Variants in CSMD1 observed in about 807,000 individuals in gnomAD.
CSMD1 encodes the protein CUB and sushi domain-containing protein 1.
In CSMD1, 213 loss-of-function variants were observed where a neutral mutation model predicts 417.5. The ratio of observed to expected loss-of-function variants is 0.51; its 90% CI spans 0.46 to 0.57. CSMD1 has a LOEUF of 0.57. CSMD1 is among the 20% of genes least tolerant of loss of function. CSMD1 has a pLI of 0.00. For missense variants in CSMD1, 6,923 were observed against 4,529.7 expected (o/e 1.53, Z -15.17); for synonymous variants, 2,862 against 1,736.8 (o/e 1.65, Z -16.11).
intron 10 of CSMD1, among the ~76,000 whole-genome samples, chr8:3,558,165 G>C (rs1168813605): frequency 4.0e-5 from 6 of 150,218 alleles, no homozygotes; most frequent in South Asian, 2.1e-4. Context: ...TGCCTCAATA[G>C]CACCCCGTGT....
At chr8:3,873,612 A>G (rs1469851925) in intron 5 of CSMD1, among the ~76,000 whole-genome samples, 1 of 152,182 alleles carries the variant, frequency 6.6e-6, no homozygotes, top group Non-Finnish European at 1.5e-5. Context: ...TACTCGGCAT[A>G]ATACCTGAGT....
At chr8:3,943,610 C>T (rs1027323410) in intron 5 of CSMD1, among the ~76,000 whole-genome samples, 1 of 151,874 alleles carries the variant, frequency 6.6e-6, no homozygotes, top group African/African-American at 2.4e-5. Flanking sequence ...AGCTGGTAAA[C>T]CCCATGTAAC....
chr8:3,074,102 G>C (rs986945002), intron 49 of CSMD1, among the ~76,000 whole-genome samples: 1 of 152,226 alleles, frequency 6.6e-6, no homozygotes, highest in African/African-American at 2.4e-5. Context: ...AGTGGTGGCA[G>C]AAATACGTTT....
chr8:4,570,477 G>A (rs1798832760), intron 2 of CSMD1, among the ~76,000 whole-genome samples: 1 of 152,162 alleles, frequency 6.6e-6, no homozygotes, highest in Admixed American at 6.5e-5. Context: ...GCATCCCAGG[G>A]ATGAAGCTGA....
chr8:3,133,792 C>T (rs1817924415), intron 41 of CSMD1, among the ~76,000 whole-genome samples: 1 of 152,212 alleles, frequency 6.6e-6, no homozygotes, highest in South Asian at 2.1e-4. Flanking sequence ...ACACTCACTG[C>T]CAGGCTGCGC....
At chr8:3,883,740 C>A (rs954681042) in intron 5 of CSMD1, among the ~76,000 whole-genome samples, 1 of 151,874 alleles carries the variant, frequency 6.6e-6, no homozygotes, top group Non-Finnish European at 1.5e-5. Flanking sequence ...TTCATTGAAA[C>A]AACTGAAACC....
At chr8:3,987,034 C>A (rs554069319) in intron 5 of CSMD1, among the ~76,000 whole-genome samples, 2 of 152,138 alleles carry the variant, frequency 1.3e-5, no homozygotes, top group African/African-American at 2.4e-5. Flanking sequence ...GGATTACAGA[C>A]GTGAATCACC....
intron 3 of CSMD1, among the ~76,000 whole-genome samples, chr8:4,118,031 C>A (rs1411558784): frequency 2.0e-5 from 3 of 150,966 alleles, no homozygotes; most frequent in African/African-American, 4.9e-5. Flanking sequence ...TTTTCTCAAG[C>A]CTCTTAGTCA....
chr8:4,233,857 T>A (rs1275523532), intron 3 of CSMD1, among the ~76,000 whole-genome samples: 2 of 151,926 alleles, frequency 1.3e-5, no homozygotes, highest in Non-Finnish European at 2.9e-5. Context: ...ATATAAAGAA[T>A]CTAATCCTGA....
intron 10 of CSMD1, among the ~76,000 whole-genome samples, chr8:3,533,753 G>A (rs933776230): frequency 3.3e-5 from 5 of 152,086 alleles, no homozygotes; most frequent in African/African-American, 4.8e-5. Context: ...GGTGCTTGAG[G>A]CATCTCTTTT....
intron 2 of CSMD1, among the ~76,000 whole-genome samples, chr8:4,533,653 T>C (rs925561211): frequency 3.9e-5 from 6 of 152,100 alleles, no homozygotes; most frequent in African/African-American, 1.4e-4. Flanking sequence ...CCCAAAACGA[T>C]GTCATTGCAA....
intron 1 of CSMD1, among the ~76,000 whole-genome samples, chr8:4,807,604 A>G (rs1206988991): frequency 2.0e-5 from 3 of 152,208 alleles, no homozygotes; most frequent in Non-Finnish European, 4.4e-5. Flanking sequence ...TTTTACAGTA[A>G]TAGTAATGAC....
At chr8:4,958,785 G>A (rs1054055137) in intron 1 of CSMD1, among the ~76,000 whole-genome samples, 45 of 152,258 alleles carry the variant, frequency 3.0e-4, no homozygotes, top group African/African-American at 1.0e-3. Flanking sequence ...AGTGAAAAAA[G>A]CGGGGCTTTC....
chr8:4,472,320 C>A (rs1038944334), intron 2 of CSMD1, among the ~76,000 whole-genome samples: 2 of 152,028 alleles, frequency 1.3e-5, no homozygotes, highest in African/African-American at 4.8e-5. Context: ...TGACAACTTA[C>A]CAATAGTAGA....
At chr8:3,548,132 G>A (rs911908907) in intron 10 of CSMD1, among the ~76,000 whole-genome samples, 2 of 152,096 alleles carry the variant, frequency 1.3e-5, no homozygotes, top group Admixed American at 6.5e-5. Context: ...AATTATTGCT[G>A]TATGACTCTA....
chr8:4,411,644 A>C (rs1199064716), intron 3 of CSMD1, among the ~76,000 whole-genome samples: 1 of 152,174 alleles, frequency 6.6e-6, no homozygotes, highest in South Asian at 2.1e-4. Context: ...CATTCTTCTC[A>C]AACCTAATTT....
chr8:3,628,690 C>T (rs944301969), intron 7 of CSMD1, among the ~76,000 whole-genome samples: 1 of 151,954 alleles, frequency 6.6e-6, no homozygotes, highest in African/African-American at 2.4e-5. Context: ...GGGGCAGACT[C>T]ACAGAAAGAA....
At chr8:4,190,971 G>A (rs879409839) in intron 3 of CSMD1, among the ~76,000 whole-genome samples, 1 of 151,986 alleles carries the variant, frequency 6.6e-6, no homozygotes, top group Non-Finnish European at 1.5e-5. Flanking sequence ...GCGGGGAAGG[G>A]AGAGGATCAG....
intron 3 of CSMD1, among the ~76,000 whole-genome samples, chr8:4,146,125 T>C (rs973492270): frequency 6.6e-6 from 1 of 150,788 alleles, no homozygotes; most frequent in East Asian, 1.9e-4. Context: ...CGGTGAGGAA[T>C]TCAGAGCCTA....
Sources: allele counts gnomAD v4.1 joint callset (sites outside exome capture counted in the v4.1 genomes callset), GRCh38; gene constraint gnomAD v4.1.1; transcripts MANE v1.5; gene names NCBI Gene and HGNC (gene_info 2026-07-23, HGNC 2026-07-21).